The following ZNF521 variants were observed in gnomAD, a reference collection of about 807,000 sequenced individuals.
ZNF521 encodes LYST-interacting protein 3.
ZNF521 carries 14 observed loss-of-function variants against 105.5 expected under a neutral mutation model. The ratio of observed to expected loss-of-function variants is 0.13; its 90% CI spans 0.09 to 0.21. The LOEUF (loss-of-function observed/expected upper bound fraction) is 0.21, where lower values mean the gene tolerates loss of function less well. ZNF521 is among the 10% of genes least tolerant of loss of function. The probability of loss-of-function intolerance (pLI) is 1.00; values close to 1 mark genes in which losing one functional copy is unlikely to be tolerated. For missense variants in ZNF521, 1,233 were observed against 1,629.7 expected, an observed-to-expected ratio of 0.76 and a Z score of 4.19; for synonymous variants, 635 against 606.0, an observed-to-expected ratio of 1.05 and a Z score of -0.70.
At chr18:25,328,201 G>T (rs1167989288) in intron 2 of ZNF521, among the ~76,000 whole-genome samples, 2 of 152,098 alleles carry the variant, frequency 1.3e-5, no homozygotes, top group Non-Finnish European at 2.9e-5. Context: ...AAACAAAATC[G>T]CACTGTTGAA....
Position 25,074,766 on chromosome 18 carries a change from C to T in ZNF521, c.3907-12025G>A, listed in dbSNP as rs915928339. Among the ~76,000 whole-genome samples, 9 of 152,100 alleles carry T rather than the reference C, an allele frequency of 5.9e-5. No individual in the cohort carries two copies. In the East Asian group the frequency reaches 1.7e-3, roughly 29 times the overall value. On this transcript the variant is annotated intron_variant, in intron 7 of 7. Coordinates refer to ENST00000361524, the MANE Select transcript of ZNF521 (RefSeq NM_015461.3). Reference sequence around the variant, plus strand: ...CCACACGTGAAGTTCCCATTCTCCTCTCACTTCCTGGGCACCTTTTCTGGC... The same window carrying T: ...CCACACGTGAAGTTCCCATTCTCCTTTCACTTCCTGGGCACCTTTTCTGGC...
At chr18:25,242,873 G>T (rs1907440681) in intron 3 of ZNF521, among the ~76,000 whole-genome samples, 1 of 152,156 alleles carries the variant, frequency 6.6e-6, no homozygotes, top group Non-Finnish European at 1.5e-5. Flanking sequence ...GACATAATCT[G>T]ATGAGACTCC....
At chr18:25,344,866 GAATT>G (rs931371334) in intron 2 of ZNF521, among the ~76,000 whole-genome samples, 2 of 152,168 alleles carry the variant, frequency 1.3e-5, no homozygotes, top group Non-Finnish European at 2.9e-5. Context: ...TGTGGCAACA[GAATT>G]AATGACAGTA....
intron 3 of ZNF521, among the ~76,000 whole-genome samples, chr18:25,228,369 T>A (rs1906311747): frequency 6.6e-6 from 1 of 152,210 alleles, no homozygotes; most frequent in Non-Finnish European, 1.5e-5. Flanking sequence ...TAACTGAAAT[T>A]CGAATTCCAT....
chr18:25,108,670 G>T (rs1415720062), intron 5 of ZNF521, among the ~76,000 whole-genome samples: 1 of 152,178 alleles, frequency 6.6e-6, no homozygotes, highest in Non-Finnish European at 1.5e-5. Context: ...TGTTGCCCAG[G>T]TTGGAGTGCA....
At chr18:25,272,672 A>G (rs1909739136) in intron 3 of ZNF521, among the ~76,000 whole-genome samples, 2 of 152,092 alleles carry the variant, frequency 1.3e-5, no homozygotes, top group South Asian at 4.1e-4. Context: ...ACAGAAAACC[A>G]AACACTGCAT....
intron 5 of ZNF521, among the ~76,000 whole-genome samples, chr18:25,184,793 A>T (rs1390122275): frequency 1.3e-5 from 2 of 152,192 alleles, no homozygotes; most frequent in African/African-American, 4.8e-5. Flanking sequence ...CTGCACTAAC[A>T]ATTTGAAAAT....
intron 3 of ZNF521, among the ~76,000 whole-genome samples, chr18:25,306,588 G>T (rs539342810): frequency 6.6e-6 from 1 of 152,186 alleles, no homozygotes; most frequent in Non-Finnish European, 1.5e-5. Flanking sequence ...GCCTCATATT[G>T]AAAGACAAGA....
intron 3 of ZNF521, among the ~76,000 whole-genome samples, chr18:25,257,239 T>C (rs985589625): frequency 3.3e-5 from 5 of 152,126 alleles, no homozygotes; most frequent in African/African-American, 1.2e-4. Flanking sequence ...AGATCTATTT[T>C]AGAAAAGATC....
chr18:25,340,874 T>A (rs1568088278), intron 2 of ZNF521, among the ~76,000 whole-genome samples: 2 of 152,140 alleles, frequency 1.3e-5, no homozygotes, highest in African/African-American at 2.4e-5. Flanking sequence ...TCGGCAAGTA[T>A]AAAAAACAGC....
At chr18:25,251,191 T>C (rs1600214834) in intron 3 of ZNF521, among the ~76,000 whole-genome samples, 1 of 152,318 alleles carries the variant, frequency 6.6e-6, no homozygotes, top group Non-Finnish European at 1.5e-5. Flanking sequence ...ATAACAATGC[T>C]TGGTGGTCAA....
chr18:25,132,097 G>T (rs1271492602), intron 5 of ZNF521, among the ~76,000 whole-genome samples: 1 of 152,174 alleles, frequency 6.6e-6, no homozygotes, highest in East Asian at 1.9e-4. Context: ...AGGTTATCAA[G>T]GTAAGCCAGA....
At chr18:25,074,275 G>A (rs2033305365) in intron 7 of ZNF521, among the ~76,000 whole-genome samples, 1 of 152,228 alleles carries the variant, frequency 6.6e-6, no homozygotes, top group East Asian at 1.9e-4. Flanking sequence ...GGAGCCCCAA[G>A]TAATTCTTGT....
At chr18:25,341,084 T>A (rs1480442487) in intron 2 of ZNF521, among the ~76,000 whole-genome samples, 1 of 152,180 alleles carries the variant, frequency 6.6e-6, no homozygotes, top group Non-Finnish European at 1.5e-5. Flanking sequence ...AGTGCTCACA[T>A]CTTTGAACAC....
rs116260226 is a variant in ZNF521 at position 25,176,568 on chromosome 18, G to A, written c.3658+18592C>T. 9.0e-3 allele frequency among the ~76,000 whole-genome samples: 1,372 copies of A among 152,184 alleles called. 24 individuals carry two copies. The highest frequency in any genetic ancestry group is 0.032 in the African/African-American group (1,335 of 41,506). The stretch of plus-strand genomic sequence containing the variant: ...TCTGCTTACACCAGAATTAATTTTT[G>A]CTTTAATTACTCTCTTCGCTGGAAT... On this transcript the variant is annotated intron_variant, in intron 5 of 7. Coordinates refer to ENST00000361524, the MANE Select transcript of ZNF521 (RefSeq NM_015461.3).
intron 5 of ZNF521, among the ~76,000 whole-genome samples, chr18:25,126,428 A>G (rs113597749): frequency 0.012 from 1,805 of 152,208 alleles, 34 homozygotes; most frequent in African/African-American, 0.041. Context: ...AGGGATTATT[A>G]ATAACAACAT....
chr18:25,208,329 T>G (rs1221629136), intron 4 of ZNF521, among the ~76,000 whole-genome samples: 1 of 152,220 alleles, frequency 6.6e-6, no homozygotes, highest in African/African-American at 2.4e-5. Flanking sequence ...AATTAATTGT[T>G]GAATAAATGA....
intron 5 of ZNF521, among the ~76,000 whole-genome samples, chr18:25,153,241 C>T (rs2035081310): frequency 6.6e-6 from 1 of 152,102 alleles, no homozygotes; most frequent in Admixed American, 6.5e-5. Context: ...TTCACTTGGT[C>T]ATGTAAATGG....
intron 3 of ZNF521, chr18:25,315,912 C>A (rs542064182): frequency 6.6e-6 from 1 of 152,294 alleles, no homozygotes; most frequent in African/African-American, 2.4e-5. Context: ...CCCTGAGTAA[C>A]CCACATAGGC....
Sources: gnomAD v4.1 joint callset for allele counts (sites outside exome capture counted in the v4.1 genomes callset) on GRCh38, gnomAD v4.1.1 for gene constraint, MANE v1.5 for transcripts, NCBI Gene and HGNC (gene_info 2026-07-23, HGNC 2026-07-21) for gene names.